CSMD2: variants seen among roughly 807,000 people sequenced by gnomAD.
CSMD2 encodes CUB and sushi domain-containing protein 2.
In CSMD2, 130 loss-of-function variants were observed where a neutral mutation model predicts 398.5. That is an observed-to-expected ratio of 0.33 (90% CI 0.28 to 0.38). The LOEUF (loss-of-function observed/expected upper bound fraction) is 0.38, where lower values mean the gene tolerates loss of function less well. CSMD2 is among the 10% of genes least tolerant of loss of function. The pLI, the probability that CSMD2 is intolerant of heterozygous loss-of-function variation, is 1.00. For synonymous variants in CSMD2, 1,828 were observed against 1,908.5 expected (o/e 0.96, Z 1.10); for missense variants, 3,829 against 4,764.9 (o/e 0.80, Z 5.78).
intron 12 of CSMD2, among the ~76,000 whole-genome samples, chr1:33,780,013 C>T (rs573838095): frequency 1.3e-5 from 2 of 152,214 alleles, no homozygotes; most frequent in East Asian, 1.9e-4. Flanking sequence ...TAGTGGGAAG[C>T]TCAAGTGATG....
At chr1:33,684,553 G>T (rs1389062854) in intron 25 of CSMD2, among the ~76,000 whole-genome samples, 2 of 152,126 alleles carry the variant, frequency 1.3e-5, no homozygotes, top group Non-Finnish European at 2.9e-5. Context: ...ATATAACCAG[G>T]ATCCCTCAAC....
At chr1:33,724,403 G>C (rs1360478572) in intron 18 of CSMD2, 90 bp from the exon 19 acceptor site, 4 of 1,519,790 alleles carry the variant, frequency 2.6e-6, no homozygotes, top group African/African-American at 2.8e-5. Context: ...CCCATCTCTC[G>C]AAAGCCCAAC....
At chr1:33,825,859 GCCTTGGAACATT>G in intron 6 of CSMD2, 85 bp from the exon 7 acceptor site, 3 of 1,103,632 alleles carry the variant, frequency 2.7e-6, no homozygotes, top group Non-Finnish European at 4.0e-6. Flanking sequence ...TCCCCCTTGT[GCCTTGGAACATT>G]CCATGGTGGG....
intron 2 of CSMD2, among the ~76,000 whole-genome samples, chr1:34,079,475 G>T (rs999970273): frequency 6.6e-5 from 10 of 152,102 alleles, no homozygotes; most frequent in African/African-American, 2.2e-4. Flanking sequence ...GCATCAAAAA[G>T]AATAAAACTT....
At chr1:33,693,906 A>G (rs1645326315) in intron 24 of CSMD2, among the ~76,000 whole-genome samples, 1 of 152,136 alleles carries the variant, frequency 6.6e-6, no homozygotes, top group Non-Finnish European at 1.5e-5. Context: ...AAAAATACAA[A>G]AAATTAGCCA....
At chr1:33,816,526 G>A (rs75417080) in intron 9 of CSMD2, among the ~76,000 whole-genome samples, 2 of 152,052 alleles carry the variant, frequency 1.3e-5, no homozygotes, top group Non-Finnish European at 2.9e-5. Flanking sequence ...TATTTATTAG[G>A]GTTCTGCAAA....
chr1:33,664,074 C>A (rs1644230940), intron 25 of CSMD2, among the ~76,000 whole-genome samples: 1 of 152,184 alleles, frequency 6.6e-6, no homozygotes, highest in South Asian at 2.1e-4. Flanking sequence ...TTATCACTAT[C>A]TCTTTTTAAA....
At chr1:33,881,709 T>A (rs1280107277) in intron 5 of CSMD2, among the ~76,000 whole-genome samples, 1 of 152,186 alleles carries the variant, frequency 6.6e-6, no homozygotes, top group African/African-American at 2.4e-5. Context: ...ATATTTTAAC[T>A]TTTACTTGTT....
At chr1:33,942,638 C>T (rs181913864) in intron 3 of CSMD2, among the ~76,000 whole-genome samples, 1 of 152,366 alleles carries the variant, frequency 6.6e-6, no homozygotes, top group East Asian at 1.9e-4. Context: ...TGCTTAGACC[C>T]TGTCCCTAAA....
At chr1:33,663,722 G>A (rs1644219047) in intron 25 of CSMD2, among the ~76,000 whole-genome samples, 1 of 152,212 alleles carries the variant, frequency 6.6e-6, no homozygotes, top group African/African-American at 2.4e-5. Flanking sequence ...AGAGCTCTCA[G>A]AGCAAGGGAG....
At chr1:33,715,415 T>G (rs1200374382) in intron 20 of CSMD2, among the ~76,000 whole-genome samples, 1 of 152,174 alleles carries the variant, frequency 6.6e-6, no homozygotes, top group Non-Finnish European at 1.5e-5. Context: ...AGTGACAGCA[T>G]AGAAGTGACT....
intron 2 of CSMD2, among the ~76,000 whole-genome samples, chr1:34,053,604 T>C (rs1653475139): frequency 6.6e-6 from 1 of 152,216 alleles, no homozygotes; most frequent in Non-Finnish European, 1.5e-5. Context: ...AAAAGGCATA[T>C]GAACATGCAA....
At chr1:33,729,272 C>T (rs1315431755) in intron 15 of CSMD2, among the ~76,000 whole-genome samples, 1 of 152,108 alleles carries the variant, frequency 6.6e-6, no homozygotes, top group African/African-American at 2.4e-5. Context: ...CTTCCTTTGG[C>T]GGTCACCACT....
intron 6 of CSMD2, 100 bp downstream of exon 6, chr1:33,846,784 C>A: frequency 2.8e-5 from 17 of 617,946 alleles, no homozygotes; most frequent in Non-Finnish European, 4.6e-5. Context: ...GGCAAGGATG[C>A]CTGAAGCCAC....
chr1:33,605,995 C>T (rs781556436), intron 41 of CSMD2: 8 of 1,609,964 alleles, frequency 5.0e-6, no homozygotes, highest in Non-Finnish European at 6.8e-6. Context: ...AAATCTGTGG[C>T]AAGGAGAGAA....
chr1:33,571,017 T>C (rs1659547336), intron 51 of CSMD2, among the ~76,000 whole-genome samples: 1 of 152,088 alleles, frequency 6.6e-6, no homozygotes, highest in Non-Finnish European at 1.5e-5. Flanking sequence ...TTCCGACCTT[T>C]GAAAGTGTAT....
intron 6 of CSMD2, among the ~76,000 whole-genome samples, chr1:33,828,024 A>G (rs1334662346): frequency 4.6e-5 from 7 of 152,058 alleles, no homozygotes; most frequent in Non-Finnish European, 7.4e-5. Context: ...CAGTCCCCCA[A>G]CTCTGGCTAC....
chr1:33,854,486 C>T (rs962886366), intron 5 of CSMD2, among the ~76,000 whole-genome samples: 29 of 152,334 alleles, frequency 1.9e-4, no homozygotes, highest in South Asian at 4.1e-4. Flanking sequence ...GGGCTTCACC[C>T]GGGTTTCCCA....
chr1:33,587,919 C>G (rs560600805), intron 44 of CSMD2, among the ~76,000 whole-genome samples: 1 of 152,152 alleles, frequency 6.6e-6, no homozygotes, highest in Admixed American at 6.5e-5. Flanking sequence ...CTGCTGTTAT[C>G]GTTACTATTT....
Sources: allele counts gnomAD v4.1 joint callset (sites outside exome capture counted in the v4.1 genomes callset), GRCh38; gene constraint gnomAD v4.1.1; transcripts MANE v1.5; gene names NCBI Gene and HGNC (gene_info 2026-07-23, HGNC 2026-07-21).